CD84: variants seen among roughly 807,000 people sequenced by gnomAD.
CD84 encodes CD84 molecule.
In CD84, 22 loss-of-function variants were observed where a neutral mutation model predicts 33.8. The ratio of observed to expected loss-of-function variants is 0.65; its 90% CI spans 0.46 to 0.93. CD84 has a LOEUF of 0.93. CD84 is among the 40% of genes least tolerant of loss of function. The pLI, the probability that CD84 is intolerant of heterozygous loss-of-function variation, is 0.00. For missense variants in CD84, 400 were observed against 397.6 expected (o/e 1.01, Z -0.05); for synonymous variants, 154 against 145.2 (o/e 1.06, Z -0.44).
intron 5 of CD84, chr1:160,550,708 C>T (rs370664943): frequency 4.1e-6 from 4 of 985,380 alleles, no homozygotes; most frequent in African/African-American, 1.7e-5. Context: ...CTGTGGGACA[C>T]TCAGTGCCTC....
At chr1:160,550,184 G>A (rs143957718) in intron 5 of CD84, among the ~76,000 whole-genome samples, 1 of 152,018 alleles carries the variant, frequency 6.6e-6, no homozygotes, top group Non-Finnish European at 1.5e-5. Context: ...GTAGCAGTTG[G>A]GCAGGGTCTC....
chr1:160,569,776 C>T lies in CD84; in HGVS notation c.47-4031G>A, dbSNP rs1048671417. Among the ~76,000 whole-genome samples the T allele has an allele frequency of 1.1e-4, 16 of 151,996 alleles. No homozygotes were observed. The South Asian group carries it at 1.9e-3, about 18-fold the overall frequency. On this transcript the variant is annotated intron_variant, in intron 1 of 6. Transcript: ENST00000368054. ...GGAAAGGAGGGGTGTCTCAAGTCCTCGGATCCTGAACAAAAGTTTAGAAGC... is the reference window on the plus strand; with the variant it reads ...GGAAAGGAGGGGTGTCTCAAGTCCTTGGATCCTGAACAAAAGTTTAGAAGC...
chr1:160,553,388 C>T lies in CD84; in HGVS notation c.750G>A (p.Lys250=), dbSNP rs148565772. Residue 250 remains lysine, a synonymous_variant, in exon 4 of 7, where the codon AAG becomes AAA. Transcript: ENST00000368054. ...LSSVFLFRLF[K]RRQDAASKKT... is the part of the protein sequence containing the mutation. ...CTGGGAAAATCCTACCTTGTCTTCT[C>T]TTGAACAAACGGAACAAAAACACTG... 1.2e-4 allele frequency: 186 copies of T among 1,613,986 alleles called. No homozygotes were observed. The highest frequency in any genetic ancestry group is 1.6e-4 in the Non-Finnish European group (185 of 1,180,034).
chr1:160,565,338 G>A, intron 2 of CD84, 66 bp downstream of exon 2: 4 of 1,180,630 alleles, frequency 3.4e-6, no homozygotes, highest in East Asian at 2.4e-5. Flanking sequence ...AAATGTAGAT[G>A]TGTTTCAGAT....
intron 1 of CD84, among the ~76,000 whole-genome samples, chr1:160,567,183 G>A (rs1220765122): frequency 6.6e-6 from 1 of 152,166 alleles, no homozygotes; most frequent in Non-Finnish European, 1.5e-5. Flanking sequence ...GTGGGTTCAG[G>A]TTGACCCTAA....
intron 2 of CD84, among the ~76,000 whole-genome samples, chr1:160,560,074 T>C (rs1434884990): frequency 6.6e-6 from 1 of 152,120 alleles, no homozygotes; most frequent in Admixed American, 6.5e-5. Flanking sequence ...CTTACCATAT[T>C]AGACAGACCA....
intron 1 of CD84, among the ~76,000 whole-genome samples, chr1:160,569,840 T>C (rs1417895814): frequency 6.6e-6 from 1 of 152,154 alleles, no homozygotes; most frequent in Non-Finnish European, 1.5e-5. Context: ...TAGATTTGCA[T>C]ATCAGAGTGG....
At chr1:160,557,043 T>TA (rs1396901720) in intron 2 of CD84, among the ~76,000 whole-genome samples, 4 of 152,258 alleles carry the variant, frequency 2.6e-5, no homozygotes, top group Non-Finnish European at 5.9e-5. Context: ...GGATAAGGAT[T>TA]AAAAAATTAA....
chr1:160,554,069 A>T lies in CD84; in HGVS notation c.466T>A (p.Ser156Thr), dbSNP rs201762029. The change falls in exon 3 of 7, where the codon TCT becomes ACT. Residue 156 changes from serine (S) to threonine (T), a missense_variant. Physicochemically the swap from Ser to Thr is moderately conservative, Grantham distance 58 (BLOSUM62 1). Coordinates refer to ENST00000368054, the MANE Select transcript of CD84 (RefSeq NM_003874.4). ...ACATTCTTTTCTTCTTTCTCTACAG[A>T]GCATGTCAGTGTGACATTACAGGTG... ...NSTCNVTLTC[S>T]VEKEEKNVTY... The T allele has an allele frequency of 3.8e-5, 61 of 1,614,066 alleles. No individual in the cohort carries two copies. Among genetic ancestry groups the T allele is most frequent in the Non-Finnish European group, 4.7e-5 (55 of 1,180,042 alleles).
At chr1:160,575,524 C>CAA (rs1473434406) in intron 1 of CD84, among the ~76,000 whole-genome samples, 1 of 151,318 alleles carries the variant, frequency 6.6e-6, no homozygotes, top group Non-Finnish European at 1.5e-5. Flanking sequence ...CACACACACA[C>CAA]AAAATCTCAA....
At position 160,558,568 on chromosome 1, in the gene CD84, G is replaced by A. The variant is rs573313546; in HGVS notation, c.389-4422C>T. Reference sequence around the variant, plus strand: ...AAAATGCTGAAAACTCAAAAAGCCAGGATGCCTCTTCTTCTCCAAATGACC... The same window carrying A: ...AAAATGCTGAAAACTCAAAAAGCCAAGATGCCTCTTCTTCTCCAAATGACC... On this transcript the variant is annotated intron_variant, in intron 2 of 6. Transcript: ENST00000368054. Among the ~76,000 whole-genome samples the A allele has an allele frequency of 3.3e-5, 5 of 152,266 alleles. No individual in the cohort carries two copies. The East Asian group carries it at 7.7e-4, about 23-fold the overall frequency.
At chr1:160,553,864 C>T in intron 3 of CD84, 31 bp downstream of exon 3, 1 of 1,614,074 alleles carries the variant, frequency 6.2e-7, no homozygotes, top group Non-Finnish European at 8.5e-7. Flanking sequence ...ATCTCTGAGA[C>T]TCACCAGGAG....
At position 160,547,981 on chromosome 1, in the gene CD84, ATGTGC is replaced by A. The variant is rs1655932260; in HGVS notation, c.*270_*274del. ...GTGCCATAAAAATATTATTTTCTAC[ATGTGC>A]TATGATGGGAAGAAGTTTGGGAAAA... On this transcript the variant is annotated 3_prime_UTR_variant, in exon 7 of 7. Coordinates refer to ENST00000368054, the MANE Select transcript of CD84 (RefSeq NM_003874.4). 6 of 459,486 alleles carry A rather than the reference ATGTGC, an allele frequency of 1.3e-5. No individual in the cohort carries two copies. The highest frequency in any genetic ancestry group is 2.4e-5 in the Non-Finnish European group (6 of 251,254). The allele number at this position is 459,486 out of a possible 1,614,324, so 28.5% of individuals were successfully genotyped here.
In CD84 at chr1:160,553,915, G is replaced by A. The variant is rs1042329449; in HGVS notation, c.620C>T (p.Ser207Phe). The change falls in exon 3 of 7, where the codon TCT (serine) becomes TTT (phenylalanine). Residue 207 changes from serine to phenylalanine, a missense_variant. Physicochemically the swap from Ser to Phe is radical, Grantham distance 155 (BLOSUM62 -2). Transcript: ENST00000368054. Reference protein sequence around the residue: ...NPVSNNSDSISARQLCADIAM... With the variant: ...NPVSNNSDSIFARQLCADIAM... Reference sequence around the variant, plus strand: ...GTTACCTGCACAGAGCTGCCGGGCAGAGATGGAGTCAGAATTGTTGCTGAC... The same window carrying A: ...GTTACCTGCACAGAGCTGCCGGGCAAAGATGGAGTCAGAATTGTTGCTGAC... 1.2e-6 allele frequency: 2 copies of A among 1,614,108 alleles called. No individual in the cohort carries two copies. Among genetic ancestry groups the A allele is most frequent in the Non-Finnish European group, 1.7e-6 (2 of 1,180,050 alleles).
chr1:160,569,562 A>G (rs1037633927), intron 1 of CD84, among the ~76,000 whole-genome samples: 9 of 152,024 alleles, frequency 5.9e-5, no homozygotes, highest in South Asian at 2.1e-4. Context: ...ACGCACGCAC[A>G]CACACAATTC....
At chr1:160,568,819 C>T (rs756935552) in intron 1 of CD84, among the ~76,000 whole-genome samples, 3 of 152,090 alleles carry the variant, frequency 2.0e-5, no homozygotes, top group Non-Finnish European at 4.4e-5. Flanking sequence ...CGGGGTTTCA[C>T]CATGTTGGCC....
chr1:160,572,585 G>A (rs1253943287), intron 1 of CD84, among the ~76,000 whole-genome samples: 1 of 151,424 alleles, frequency 6.6e-6, no homozygotes, highest in Non-Finnish European at 1.5e-5. Flanking sequence ...TTGGGGGGGG[G>A]AATGTTACTA....
Position 160,579,376 on chromosome 1 carries a change from A to G in CD84, c.46+16T>C, listed in dbSNP as rs1658159398. On this transcript the variant is annotated intron_variant, in intron 1 of 6. Coordinates refer to ENST00000368054, the MANE Select transcript of CD84 (RefSeq NM_003874.4). The stretch of plus-strand genomic sequence containing the variant: ...TATGGAAAACTAGGAGGCGATCAGC[A>G]AGGGTCAGAACTCACAGGTTTGCAG... 6.2e-7 allele frequency: 1 copy of G among 1,612,910 alleles called. No homozygotes were observed. Among genetic ancestry groups the G allele is most frequent in the Non-Finnish European group, 8.5e-7 (1 of 1,179,292 alleles).
At chr1:160,554,468 A>G (rs545739524) in intron 2 of CD84, among the ~76,000 whole-genome samples, 1 of 152,302 alleles carries the variant, frequency 6.6e-6, no homozygotes, top group African/African-American at 2.4e-5. Context: ...TACCCCACAG[A>G]AATTTGCAAT....
Sources: allele counts gnomAD v4.1 joint callset (sites outside exome capture counted in the v4.1 genomes callset), GRCh38; gene constraint gnomAD v4.1.1; transcripts MANE v1.5; gene names NCBI Gene and HGNC (gene_info 2026-07-23, HGNC 2026-07-21).